The following CHST12 variants were observed in gnomAD, a reference collection of about 807,000 sequenced individuals.
The protein encoded by CHST12 is carbohydrate sulfotransferase 12.
A neutral mutation model predicts 27.9 loss-of-function variants in CHST12; 23 were observed. That is an observed-to-expected ratio of 0.82 (90% CI 0.59 to 1.17). The LOEUF is 1.17. Ranked by LOEUF, CHST12 falls within the 50% of genes most tolerant of loss-of-function variation. The probability of loss-of-function intolerance (pLI) is 0.00; values close to 1 mark genes in which losing one functional copy is unlikely to be tolerated. For synonymous variants in CHST12, 322 were observed against 273.0 expected (o/e 1.18, Z -1.77); for missense variants, 682 against 603.0 (o/e 1.13, Z -1.37).
chr7:2,432,711 G>A lies in CHST12; in HGVS notation c.72G>A (p.Val24=), dbSNP rs1239408261. Residue 24 remains valine, a synonymous_variant, in exon 2 of 2, where the codon GTG becomes GTA. Coordinates refer to ENST00000618655, the MANE Select transcript of CHST12 (RefSeq NM_018641.5). ...TGTTCATGATCCTGCTGATCATCGT[G>A]TACTGGGACAGCGCAGGCGCCGCGC... ...GSVFMILLII[V]YWDSAGAAHF... is the part of the protein sequence containing the mutation. 6.2e-7 allele frequency: 1 copy of A among 1,613,996 alleles called. No homozygotes were observed. The highest frequency in any genetic ancestry group is 1.1e-5 in the South Asian group (1 of 91,076).
chr7:2,433,972 G>C lies in CHST12; in HGVS notation c.*88G>C. 1 of 1,167,388 alleles carries C rather than the reference G, an allele frequency of 8.6e-7. No homozygotes were observed. The highest frequency in any genetic ancestry group is 1.2e-6 in the Non-Finnish European group (1 of 819,072). 72.3% of individuals were successfully genotyped at this position (1,167,388 alleles called of 1,614,324 possible). A position where few individuals can be genotyped will look rare whatever the true frequency, so the allele number is the denominator to read the frequency against. ...TATGACCTACGATTTTGCAATCTGG[G>C]CTTCTTGTTCACTCCACTGCCTCTA... On this transcript the variant is annotated 3_prime_UTR_variant, in exon 2 of 2. Transcript: ENST00000618655. This position sits in a 1 kb window ranked among gnomAD's most constrained non-coding sequence, Gnocchi z 6.1.
Position 2,436,194 on chromosome 7 carries a change from C to G in CHST12, c.*2310C>G, listed in dbSNP as rs1384390830. The G allele has an allele frequency of 1.3e-5, 2 of 152,212 alleles. No homozygotes were observed. The highest frequency in any genetic ancestry group is 2.9e-5 in the Non-Finnish European group (2 of 68,050). 9.4% of individuals were successfully genotyped at this position (152,212 alleles called of 1,614,324 possible). A position where few individuals can be genotyped will look rare whatever the true frequency, so the allele number is the denominator to read the frequency against. On this transcript the variant is annotated 3_prime_UTR_variant, in exon 2 of 2. Transcript: ENST00000618655. ...CATTGTTAAGTGCACTGTTGTGTGG[C>G]ATTAAGCACATTCGTATTGTCGTGC...
intron 1 of CHST12, among the ~76,000 whole-genome samples, chr7:2,405,733 G>C (rs1404993089): frequency 6.6e-6 from 1 of 152,138 alleles, no homozygotes; most frequent in Admixed American, 6.6e-5. Context: ...CTGTAACAGC[G>C]AGGGCAGCCG....
intron 1 of CHST12, among the ~76,000 whole-genome samples, chr7:2,423,429 A>G (rs1184537033): frequency 6.6e-6 from 1 of 151,962 alleles, no homozygotes; most frequent in Non-Finnish European, 1.5e-5. Context: ...GGGGCCATGG[A>G]GAGACAGCAG....
chr7:2,446,641 TTGTC>T lies in CHST12; in HGVS notation c.*12761_*12764del, dbSNP rs1782760678. 6.5e-6 allele frequency: 1 copy of T among 152,984 alleles called. No individual in the cohort carries two copies. The highest frequency in any genetic ancestry group is 1.5e-5 in the Non-Finnish European group (1 of 68,190). The allele number at this position is 152,984 out of a possible 1,614,324, so 9.5% of individuals were successfully genotyped here. A position where few individuals can be genotyped will look rare whatever the true frequency, so the allele number is the denominator to read the frequency against. ...TGCTCCAGCTGGGACCTGTGGGGCT[TTGTC>T]TGTTGTCCCGAGCACCTTGGAGATG... On this transcript the variant is annotated 3_prime_UTR_variant, in exon 2 of 2. Transcript: ENST00000618655.
chr7:2,419,343 GTGAGCCAAGATCACGCCACTGCACTCAA>G (rs1781901407), intron 1 of CHST12, among the ~76,000 whole-genome samples: 1 of 149,328 alleles, frequency 6.7e-6, no homozygotes, highest in Non-Finnish European at 1.5e-5. Flanking sequence ...GGAGGTTGCA[GTGAGCCAAGATCACGCCACTGCACTCAA>G]GTCTGAATGA....
At chr7:2,418,087 T>C (rs1475147754) in intron 1 of CHST12, among the ~76,000 whole-genome samples, 1 of 152,250 alleles carries the variant, frequency 6.6e-6, no homozygotes, top group African/African-American at 2.4e-5. Context: ...CTGCCTTTTC[T>C]TTCTCTAGTG....
At position 2,444,954 on chromosome 7, in the gene CHST12, G is replaced by T. The variant is rs1782714310; in HGVS notation, c.*11070G>T. 2 of 152,124 alleles carry T rather than the reference G, an allele frequency of 1.3e-5. No homozygotes were observed. The highest frequency in any genetic ancestry group is 3.8e-4 in the East Asian group (2 of 5,202). 9.4% of individuals were successfully genotyped at this position (152,124 alleles called of 1,614,324 possible). ...CTTAAAAAACAATCTGGATGAAATG[G>T]TTTTTGCCATTTCAATTGGTTCTCT... On this transcript the variant is annotated 3_prime_UTR_variant, in exon 2 of 2. Transcript: ENST00000618655.
intron 1 of CHST12, among the ~76,000 whole-genome samples, chr7:2,418,822 G>T (rs540111002): frequency 6.6e-6 from 1 of 152,146 alleles, no homozygotes; most frequent in Admixed American, 6.5e-5. Flanking sequence ...TTTGGGATGT[G>T]GTCTCACCCT....
At chr7:2,409,765 G>C (rs1028475073) in intron 1 of CHST12, among the ~76,000 whole-genome samples, 1 of 152,214 alleles carries the variant, frequency 6.6e-6, no homozygotes, top group African/African-American at 2.4e-5. Flanking sequence ...GCATTGAATT[G>C]ACCCAAATGG....
chr7:2,419,834 A>T (rs910200610), intron 1 of CHST12, among the ~76,000 whole-genome samples: 1 of 151,982 alleles, frequency 6.6e-6, no homozygotes, highest in South Asian at 2.1e-4. Flanking sequence ...CATCTTGTAA[A>T]ACTAAAGCTC....
rs1362824996 is a variant in CHST12, at chr7:2,444,208, C to T, written c.*10324C>T. On this transcript the variant is annotated 3_prime_UTR_variant, in exon 2 of 2. Transcript: ENST00000618655. ...CTGAGGCAGGAGAATGGCGTGAACC[C>T]GGGAGGCGGAGCTTGCAGTGAGCCG... The T allele has an allele frequency of 4.2e-5, 6 of 142,610 alleles. No homozygotes were observed. The highest frequency in any genetic ancestry group is 6.0e-5 in the Non-Finnish European group (4 of 66,336). The allele number at this position is 142,610 out of a possible 1,614,324, so 8.8% of individuals were successfully genotyped here.
chr7:2,425,239 G>T (rs938058056), intron 1 of CHST12, among the ~76,000 whole-genome samples: 3 of 123,174 alleles, frequency 2.4e-5, no homozygotes, highest in East Asian at 2.4e-4. Context: ...AAAAAAAAAC[G>T]TAAAAAAACA....
chr7:2,432,744 C>G lies in CHST12; in HGVS notation c.105C>G (p.Tyr35Ter), dbSNP rs541011645. 6.2e-7 allele frequency: 1 copy of G among 1,613,962 alleles called. No individual in the cohort carries two copies. The highest frequency in any genetic ancestry group is 1.3e-5 in the African/African-American group (1 of 75,068). ...ACAGCGCAGGCGCCGCGCACTTCTACTTGCACACGTCCTTCTCTAGGCCGC... is the reference window on the plus strand; with the variant it reads ...ACAGCGCAGGCGCCGCGCACTTCTAGTTGCACACGTCCTTCTCTAGGCCGC... ...YWDSAGAAHF[Y>*]LHTSFSRPHT... The change falls in exon 2 of 2, where the codon TAC becomes TAG. Residue 35 changes from tyrosine (Y) to a stop codon, truncating the protein, a stop_gained. Transcript: ENST00000618655. LOFTEE classifies it high-confidence loss of function.
At chr7:2,411,466 T>C (rs1781661954) in intron 1 of CHST12, among the ~76,000 whole-genome samples, 1 of 151,586 alleles carries the variant, frequency 6.6e-6, no homozygotes, top group South Asian at 2.1e-4. Context: ...TCTTCTGAAA[T>C]AATTTCTTTG....
chr7:2,404,563 G>A (rs1781472922), intron 1 of CHST12, among the ~76,000 whole-genome samples: 1 of 152,380 alleles, frequency 6.6e-6, no homozygotes, highest in Non-Finnish European at 1.5e-5. Flanking sequence ...TGGGTGGTTG[G>A]GGACAGCTCA....
intron 1 of CHST12, among the ~76,000 whole-genome samples, chr7:2,413,286 G>T (rs776702410): frequency 2.6e-5 from 4 of 152,212 alleles, no homozygotes; most frequent in Non-Finnish European, 4.4e-5. Flanking sequence ...GTGGAAATTG[G>T]TGAGAGCTGG....
At chr7:2,420,792 G>C (rs1369140824) in intron 1 of CHST12, among the ~76,000 whole-genome samples, 1 of 152,122 alleles carries the variant, frequency 6.6e-6, no homozygotes, top group Non-Finnish European at 1.5e-5. Context: ...CTCAGGAAAA[G>C]AACAACAACC....
rs1782586866 is a variant in CHST12, at chr7:2,440,883, G to C, written c.*6999G>C. On this transcript the variant is annotated 3_prime_UTR_variant, in exon 2 of 2. Transcript: ENST00000618655. ...CGGCCGTGTGAAGTTACCACCTCGTGAGTGGTCATAAGTTAGCGTGTCTAA... is the reference window on the plus strand; with the variant it reads ...CGGCCGTGTGAAGTTACCACCTCGTCAGTGGTCATAAGTTAGCGTGTCTAA... 6.6e-6 allele frequency: 1 copy of C among 152,194 alleles called. No individual in the cohort carries two copies. The highest frequency in any genetic ancestry group is 2.1e-4 in the South Asian group (1 of 4,826). The allele number at this position is 152,194 out of a possible 1,614,324, so 9.4% of individuals were successfully genotyped here. A position where few individuals can be genotyped will look rare whatever the true frequency, so the allele number is the denominator to read the frequency against.
Sources: allele counts gnomAD v4.1 joint callset (sites outside exome capture counted in the v4.1 genomes callset), GRCh38; gene constraint gnomAD v4.1.1; non-coding constraint Gnocchi (gnomAD v3.1); transcripts MANE v1.5; gene names NCBI Gene and HGNC (gene_info 2026-07-23, HGNC 2026-07-21).